Variants in STIM1 observed in about 807,000 individuals in gnomAD.
The protein encoded by STIM1 is stromal interaction molecule 1.
Under a neutral mutation model 74.7 loss-of-function variants are expected in STIM1, and 25 were observed. That is an observed-to-expected ratio of 0.33 (90% CI 0.24 to 0.47). The LOEUF (loss-of-function observed/expected upper bound fraction) is 0.47, where lower values mean the gene tolerates loss of function less well. STIM1 is among the 20% of genes least tolerant of loss of function. The pLI is 1.00. For missense variants in STIM1, 728 were observed against 920.8 expected (o/e 0.79, Z 2.71); for synonymous variants, 328 against 348.8 (o/e 0.94, Z 0.66).
intron 12 of STIM1, among the ~76,000 whole-genome samples, chr11:4,089,718 A>AC (rs969492642): frequency 6.6e-6 from 1 of 152,116 alleles, no homozygotes; most frequent in African/African-American, 2.4e-5. Context: ...CTATGAGCCA[A>AC]CCCCCTGCTT....
At chr11:4,061,030 A>C (rs1247354679) in intron 5 of STIM1, among the ~76,000 whole-genome samples, 1 of 152,232 alleles carries the variant, frequency 6.6e-6, no homozygotes, top group Non-Finnish European at 1.5e-5. Flanking sequence ...ACTTTTGCAG[A>C]GGTTCTCCTC....
At chr11:4,035,811 A>G (rs1166688879) in intron 3 of STIM1, among the ~76,000 whole-genome samples, 7 of 145,830 alleles carry the variant, frequency 4.8e-5, no homozygotes, top group Non-Finnish European at 7.5e-5. Context: ...TTGGGTGGAG[A>G]GTTCTATAAA....
At chr11:3,879,463 T>A (rs1428034909) in intron 1 of STIM1, among the ~76,000 whole-genome samples, 1 of 152,244 alleles carries the variant, frequency 6.6e-6, no homozygotes, top group African/African-American at 2.4e-5. Context: ...GACATTAATC[T>A]TCTCCCCAGC....
At chr11:4,034,303 C>G (rs527665842) in intron 3 of STIM1, among the ~76,000 whole-genome samples, 239 of 151,822 alleles carry the variant, frequency 1.6e-3, no homozygotes, top group Non-Finnish European at 2.8e-3. Flanking sequence ...TTTTGTAGTG[C>G]CTCTCTACTC....
chr11:4,039,135 G>T (rs1446523398), intron 3 of STIM1, among the ~76,000 whole-genome samples: 1 of 151,796 alleles, frequency 6.6e-6, no homozygotes, highest in Admixed American at 6.6e-5. Flanking sequence ...AATTTTTGAT[G>T]AAAAAAAATT....
intron 2 of STIM1, among the ~76,000 whole-genome samples, chr11:3,994,185 A>T (rs532492584): frequency 6.6e-6 from 1 of 152,130 alleles, no homozygotes; most frequent in South Asian, 2.1e-4. Context: ...ATGTTATCCC[A>T]TTGTCTTCTG....
chr11:3,924,433 C>T (rs1258679158), intron 1 of STIM1, among the ~76,000 whole-genome samples: 5 of 151,970 alleles, frequency 3.3e-5, no homozygotes, highest in African/African-American at 9.7e-5. Flanking sequence ...CTCCTGACCT[C>T]GTGATCCACC....
At chr11:4,017,718 C>T (rs1412089438) in intron 2 of STIM1, among the ~76,000 whole-genome samples, 1 of 152,118 alleles carries the variant, frequency 6.6e-6, no homozygotes, top group Non-Finnish European at 1.5e-5. Context: ...TCTTGAAGAA[C>T]CTGATTAATC....
At chr11:3,958,671 A>G (rs2093247755) in intron 1 of STIM1, among the ~76,000 whole-genome samples, 1 of 151,986 alleles carries the variant, frequency 6.6e-6, no homozygotes. Flanking sequence ...TCCTTTTTTA[A>G]GACTTCACAT....
At chr11:4,073,864 G>T (rs188610577) in intron 6 of STIM1, among the ~76,000 whole-genome samples, 105 of 152,218 alleles carry the variant, frequency 6.9e-4, no homozygotes, top group African/African-American at 2.4e-3. Flanking sequence ...AATTTGTTTT[G>T]TGCTTCTGGG....
At chr11:3,912,613 G>A (rs561273397) in intron 1 of STIM1, among the ~76,000 whole-genome samples, 124 of 152,142 alleles carry the variant, frequency 8.2e-4, no homozygotes, top group African/African-American at 2.8e-3. Flanking sequence ...TGATCCACCC[G>A]CCTTGGCCTC....
intron 1 of STIM1, among the ~76,000 whole-genome samples, chr11:3,890,758 A>T (rs1328084777): frequency 6.6e-6 from 1 of 152,176 alleles, no homozygotes; most frequent in Non-Finnish European, 1.5e-5. Flanking sequence ...AGTATGGCTT[A>T]TCTCATTATC....
chr11:3,895,743 TCTTCCTTCCTTC>T lies in STIM1; in HGVS notation c.139+39386_139+39397del, dbSNP rs1162065358. Among the ~76,000 whole-genome samples the T allele has an allele frequency of 7.0e-3, 242 of 34,494 alleles. 6 individuals carry two copies. Among genetic ancestry groups the T allele is most frequent in the Admixed American group, 0.014 (43 of 2,968 alleles). 22.6% of individuals were successfully genotyped at this position (34,494 alleles called of 152,430 possible). On this transcript the variant is annotated intron_variant, in intron 1 of 12. Transcript: ENST00000526596. Reference sequence around the variant, plus strand: ...CTTTCTTTCTTTCTTTCTTTTTCTTTCTTCCTTCCTTCCTTCCTTCCTTCCTTCCTTCCTTCC... The same window carrying T: ...CTTTCTTTCTTTCTTTCTTTTTCTTTCTTCCTTCCTTCCTTCCTTCCTTCC...
intron 2 of STIM1, among the ~76,000 whole-genome samples, chr11:4,007,137 G>A (rs902594163): frequency 6.6e-6 from 1 of 152,048 alleles, no homozygotes; most frequent in Non-Finnish European, 1.5e-5. Flanking sequence ...TTTTCTGGGC[G>A]CATGGAACTA....
intron 2 of STIM1, among the ~76,000 whole-genome samples, chr11:4,019,273 C>G (rs2093933004): frequency 6.6e-6 from 1 of 152,190 alleles, no homozygotes; most frequent in African/African-American, 2.4e-5. Flanking sequence ...TACCACTACT[C>G]TTGGCATCTC....
intron 1 of STIM1, among the ~76,000 whole-genome samples, chr11:3,954,350 G>GT (rs747856576): frequency 6.6e-6 from 1 of 152,074 alleles, no homozygotes; most frequent in Non-Finnish European, 1.5e-5. Flanking sequence ...CTGTGCATTT[G>GT]TTTGTTCGTT....
At chr11:3,977,063 G>A (rs1399548452) in intron 2 of STIM1, among the ~76,000 whole-genome samples, 2 of 152,142 alleles carry the variant, frequency 1.3e-5, no homozygotes, top group Admixed American at 6.6e-5. Context: ...CGAAAGTGCT[G>A]GGATTACAGG....
intron 2 of STIM1, among the ~76,000 whole-genome samples, chr11:3,997,500 T>A (rs532655420): frequency 6.6e-6 from 1 of 151,388 alleles, no homozygotes; most frequent in African/African-American, 2.4e-5. Context: ...AAAAAAAAAA[T>A]AAAATTTTAA....
At chr11:3,880,060 T>G (rs967096052) in intron 1 of STIM1, among the ~76,000 whole-genome samples, 11 of 152,210 alleles carry the variant, frequency 7.2e-5, no homozygotes, top group African/African-American at 2.7e-4. Context: ...ACTTTTGTGT[T>G]GTGGCAATGG....
Sources: gnomAD v4.1 joint callset for allele counts (sites outside exome capture counted in the v4.1 genomes callset) on GRCh38, gnomAD v4.1.1 for gene constraint, MANE v1.5 for transcripts, NCBI Gene and HGNC (gene_info 2026-07-23, HGNC 2026-07-21) for gene names.